Variants in PKHD1 observed in about 807,000 individuals in gnomAD.
PKHD1 encodes the protein fibrocystin.
A neutral mutation model predicts 412.0 loss-of-function variants in PKHD1; 291 were observed. The ratio of observed to expected loss-of-function variants is 0.71; its 90% confidence interval spans 0.64 to 0.78. The LOEUF (loss-of-function observed/expected upper bound fraction) is 0.78. Among genes scored for constraint, PKHD1 ranks in the 30% least tolerant of loss-of-function variants. The pLI is 0.00. For missense variants in PKHD1, 4,825 were observed against 4,950.7 expected (o/e 0.97, Z 0.76); for synonymous variants, 1,777 against 1,821.5 (o/e 0.98, Z 0.62).
chr6:51,808,860 T>TATTAGG (rs1764243632), intron 52 of PKHD1, among the ~76,000 whole-genome samples: 1 of 152,230 alleles, frequency 6.6e-6, no homozygotes, highest in East Asian at 1.9e-4. Flanking sequence ...GCTAAGTTAA[T>TATTAGG]ATTAGGACAA....
Position 51,802,366 on chromosome 6 carries a change from A to G in PKHD1, c.8303-10993T>C, listed in dbSNP as rs1307258423. Among the ~76,000 whole-genome samples the G allele has an allele frequency of 4.0e-5, 6 of 151,640 alleles. 1 individual carries two copies. Among genetic ancestry groups the G allele is most frequent in the African/African-American group, 1.5e-4 (6 of 40,884 alleles). ...TAAACTACAGTTTGGCTTTATCCAC[A>G]TAATTCTATTACCTGTATACATTGT... On this transcript the variant is annotated intron_variant, in intron 52 of 66. Transcript: ENST00000371117.
At chr6:51,702,185 T>C (rs992447430) in intron 60 of PKHD1, among the ~76,000 whole-genome samples, 2 of 146,848 alleles carry the variant, frequency 1.4e-5, no homozygotes, top group African/African-American at 5.0e-5. Context: ...ATATATAATA[T>C]ATTATATATA....
chr6:51,697,017 C>T (rs1486839670), intron 60 of PKHD1, among the ~76,000 whole-genome samples: 1 of 151,968 alleles, frequency 6.6e-6, no homozygotes, highest in Non-Finnish European at 1.5e-5. Flanking sequence ...GGTGAAACCC[C>T]ATCTCTACTA....
chr6:52,053,387 A>G, intron 20 of PKHD1, 136 bp from the exon 21 acceptor site: 1 of 849,260 alleles, frequency 1.2e-6, no homozygotes, highest in Non-Finnish European at 1.9e-6. Context: ...CCTGCACCCA[A>G]GCAGTCCTGG....
At chr6:52,070,870 T>G in intron 9 of PKHD1, 136 bp downstream of exon 9, 2 of 699,450 alleles carry the variant, frequency 2.9e-6, no homozygotes, top group Non-Finnish European at 5.2e-6. Context: ...AGTAGTATTT[T>G]CCAGGGAATT....
At chr6:52,034,729 T>C (rs1803664214) in intron 28 of PKHD1, among the ~76,000 whole-genome samples, 1 of 152,202 alleles carries the variant, frequency 6.6e-6, no homozygotes, top group African/African-American at 2.4e-5. Context: ...TAAGAAACAT[T>C]TAGAAATTAT....
At chr6:51,766,748 A>G (rs1480275497) in intron 55 of PKHD1, among the ~76,000 whole-genome samples, 1 of 151,612 alleles carries the variant, frequency 6.6e-6, no homozygotes. Flanking sequence ...GTGCACAGGG[A>G]GGGATAGCAT....
At position 51,618,083 on chromosome 6, in the gene PKHD1, C is replaced by A. The variant is rs1451649549; in HGVS notation, c.*998G>T. 6.6e-6 allele frequency: 1 copy of A among 152,126 alleles called. No individual in the cohort carries two copies. The highest frequency in any genetic ancestry group is 2.4e-5 in the African/African-American group (1 of 41,430). 9.4% of individuals were successfully genotyped at this position (152,126 alleles called of 1,614,324 possible). A position where few individuals can be genotyped will look rare whatever the true frequency, so the allele number is the denominator to read the frequency against. Reference sequence around the variant, plus strand: ...CAAATGTGTGAATTTGGTGAAATTGCCTTTAACAACCTTACCAAATGTATC... The same window carrying A: ...CAAATGTGTGAATTTGGTGAAATTGACTTTAACAACCTTACCAAATGTATC... On this transcript the variant is annotated 3_prime_UTR_variant, in exon 67 of 67. Transcript: ENST00000371117.
At chr6:52,010,564 G>C (rs1044522427) in intron 34 of PKHD1, 105 bp from the exon 35 acceptor site, 1 of 974,100 alleles carries the variant, frequency 1.0e-6, no homozygotes, top group African/African-American at 1.6e-5. Context: ...GGCAACTACA[G>C]GCCACCATTT....
chr6:51,719,271 C>A (rs1488856666), intron 60 of PKHD1, among the ~76,000 whole-genome samples: 4 of 151,988 alleles, frequency 2.6e-5, no homozygotes, highest in African/African-American at 9.7e-5. Context: ...TGCAGTGGCA[C>A]AATCACGGCT....
chr6:52,038,374 CA>C (rs34413030), intron 27 of PKHD1, among the ~76,000 whole-genome samples: 39,779 of 111,396 alleles, frequency 0.36, 5,380 homozygotes, highest in East Asian at 0.5. Context: ...GACTCGGTCT[CA>C]AAAAAAAAAA....
intron 43 of PKHD1, 95 bp downstream of exon 43, chr6:51,903,502 T>C (rs1302934567): frequency 2.0e-6 from 2 of 993,722 alleles, no homozygotes; most frequent in African/African-American, 1.6e-5. Context: ...TCTTCCAATG[T>C]GGCCCAGGGA....
At chr6:51,709,573 C>G (rs1780400629) in intron 60 of PKHD1, among the ~76,000 whole-genome samples, 1 of 152,154 alleles carries the variant, frequency 6.6e-6, no homozygotes. Context: ...AGACAGCACT[C>G]TTTCTATGGG....
intron 45 of PKHD1, among the ~76,000 whole-genome samples, chr6:51,884,703 T>C (rs1777927553): frequency 6.6e-6 from 1 of 152,196 alleles, no homozygotes; most frequent in African/African-American, 2.4e-5. Context: ...AAAAAATGGC[T>C]TTATTAGCAT....
intron 60 of PKHD1, chr6:51,721,799 T>C (rs1781956202): frequency 2.0e-6 from 3 of 1,481,678 alleles, no homozygotes; most frequent in Non-Finnish European, 2.7e-6. Flanking sequence ...CTTTGATCTG[T>C]ACCATCCTCT....
chr6:51,971,516 T>C (rs1478292219), intron 35 of PKHD1, among the ~76,000 whole-genome samples: 1 of 152,168 alleles, frequency 6.6e-6, no homozygotes, highest in African/African-American at 2.4e-5. Flanking sequence ...GATGCAGACC[T>C]TTCTTTTGCT....
chr6:51,782,009 T>C (rs1792097061), intron 53 of PKHD1, among the ~76,000 whole-genome samples: 1 of 151,190 alleles, frequency 6.6e-6, no homozygotes, highest in Admixed American at 6.6e-5. Context: ...TTCCTAAAAT[T>C]ATTTTGTTTG....
chr6:51,734,641 T>C lies in PKHD1; in HGVS notation c.10156+9744A>G, dbSNP rs536085639. Among the ~76,000 whole-genome samples the C allele has an allele frequency of 2.6e-5, 4 of 152,090 alleles. No homozygotes were observed. The East Asian group carries it at 7.8e-4, about 29-fold the overall frequency. Reference sequence around the variant, plus strand: ...CACAAAGGTCCTCCATATTCCTGAGTTCTGCATCAGTGGATTTGATCAAAA... The same window carrying C: ...CACAAAGGTCCTCCATATTCCTGAGCTCTGCATCAGTGGATTTGATCAAAA... On this transcript the variant is annotated intron_variant, in intron 60 of 66. Coordinates refer to ENST00000371117, the MANE Select transcript of PKHD1 (RefSeq NM_138694.4).
At chr6:51,685,185 C>G (rs1378328918) in intron 60 of PKHD1, among the ~76,000 whole-genome samples, 1 of 152,064 alleles carries the variant, frequency 6.6e-6, no homozygotes, top group Non-Finnish European at 1.5e-5. Context: ...TGAGGCCATT[C>G]AAACTGTTAG....
Sources: allele counts gnomAD v4.1 joint callset (sites outside exome capture counted in the v4.1 genomes callset), GRCh38; gene constraint gnomAD v4.1.1; transcripts MANE v1.5; gene names NCBI Gene and HGNC (gene_info 2026-07-23, HGNC 2026-07-21).